HPS1: variants seen among roughly 807,000 people sequenced by gnomAD.
The protein encoded by HPS1 is HPS1 biogenesis of lysosomal organelles complex 3 subunit 1.
HPS1 carries 59 observed loss-of-function variants against 90.6 expected under a neutral mutation model. That is an observed-to-expected ratio of 0.65 (90% CI 0.53 to 0.81). The LOEUF (loss-of-function observed/expected upper bound fraction) is 0.81, where lower values mean the gene tolerates loss of function less well. HPS1 is among the 30% of genes least tolerant of loss of function. The pLI, the probability that HPS1 is intolerant of heterozygous loss-of-function variation, is 0.00. For synonymous variants in HPS1, 388 were observed against 384.4 expected (o/e 1.01, Z -0.11); for missense variants, 849 against 896.7 (o/e 0.95, Z 0.68).
intron 13 of HPS1, among the ~76,000 whole-genome samples, chr10:98,424,694 G>A (rs1845363051): frequency 6.6e-6 from 1 of 152,176 alleles, no homozygotes; most frequent in Admixed American, 6.5e-5. Context: ...GGCAGCGGCT[G>A]GGGTGTGCGG....
intron 3 of HPS1, among the ~76,000 whole-genome samples, chr10:98,441,469 A>G (rs1165200738): frequency 6.6e-6 from 1 of 152,238 alleles, no homozygotes; most frequent in Non-Finnish European, 1.5e-5. Context: ...TTGGGCAAAG[A>G]TTTCTTAGAT....
In HPS1 at chr10:98,435,814, G is replaced by T; in HGVS notation, c.118-42C>A. On this transcript the variant is annotated intron_variant, in intron 3 of 19. Transcript: ENST00000361490. This position sits in a 1 kb window ranked among gnomAD's most constrained non-coding sequence, Gnocchi z 4.3. ...AAATTTCACAGCTTAGAGTGGGCCA[G>T]ACACCAAGAACTAAGGAAGGGACAA... 6.2e-7 allele frequency: 1 copy of T among 1,613,754 alleles called. No homozygotes were observed. Among genetic ancestry groups the T allele is most frequent in the South Asian group, 1.1e-5 (1 of 91,032 alleles).
chr10:98,425,143 T>A lies in HPS1; in HGVS notation c.1335+398A>T, dbSNP rs950736612. On this transcript the variant is annotated intron_variant, in intron 13 of 19. Transcript: ENST00000361490. ...TGACCTGCACATCCCTGTGTTGCCC[T>A]GTGAGCCCGGGGACACAGCCCCGCT... Among the ~76,000 whole-genome samples, 4 of 152,256 alleles carry A rather than the reference T, an allele frequency of 2.6e-5. No homozygotes were observed. The South Asian group carries it at 6.2e-4, about 24-fold the overall frequency.
At position 98,429,571 on chromosome 10, in the gene HPS1, A is replaced by G; in HGVS notation, c.937+2T>C. ...TTCCTCCTGCTTTCCTCCGGTCCTC[A>G]CCTGAGCTCTGATCGCCAGGGGAAG... On this transcript the variant is annotated splice_donor_variant, in intron 10 of 19. Transcript: ENST00000361490. LOFTEE classifies it high-confidence loss of function. 6.2e-7 allele frequency: 1 copy of G among 1,614,130 alleles called. No individual in the cohort carries two copies. The highest frequency in any genetic ancestry group is 8.5e-7 in the Non-Finnish European group (1 of 1,180,010).
At chr10:98,415,201 GGCACGGGGTGGA>G (rs549993308), downstream of HPS1, 2 of 1,566,564 alleles carry the variant, frequency 1.3e-6, no homozygotes, top group Non-Finnish European at 1.7e-6. Flanking sequence ...TGCTGCCCTA[GGCACGGGGTGGA>G]GCAGGGAGGA....
chr10:98,441,298 A>G (rs189241476), intron 3 of HPS1, among the ~76,000 whole-genome samples: 1 of 152,376 alleles, frequency 6.6e-6, no homozygotes, highest in East Asian at 1.9e-4. Flanking sequence ...TCTGAGTTGT[A>G]ATGTTAAACT....
intron 11 of HPS1, among the ~76,000 whole-genome samples, chr10:98,426,566 A>G (rs1040540012): frequency 1.3e-5 from 2 of 152,238 alleles, no homozygotes; most frequent in African/African-American, 4.8e-5. Flanking sequence ...CACTGGACAC[A>G]TGACGCGATT....
In HPS1 at chr10:98,430,624, G is replaced by A. The variant is rs1306430934; in HGVS notation, c.715C>T (p.Leu239Phe). ...LRPADLLALI[L>F]LVQDLYPSES... ...CTGGGGTAGAGGTCCTGAACCAGGAGGATGAGGGCAAGCAGGTCGGCCGGG... is the reference window on the plus strand; with the variant it reads ...CTGGGGTAGAGGTCCTGAACCAGGAAGATGAGGGCAAGCAGGTCGGCCGGG... Residue 239 changes from leucine (L) to phenylalanine (F), a missense_variant, in exon 8 of 20, where the codon CTC (leucine) becomes TTC (phenylalanine). Coordinates refer to ENST00000361490, the MANE Select transcript of HPS1 (RefSeq NM_000195.5). The A allele has an allele frequency of 3.9e-6, 6 of 1,556,520 alleles. No individual in the cohort carries two copies. The highest frequency in any genetic ancestry group is 4.4e-6 in the Non-Finnish European group (5 of 1,149,324).
intron 3 of HPS1, among the ~76,000 whole-genome samples, chr10:98,439,149 AG>A (rs1937940573): frequency 6.6e-6 from 1 of 152,224 alleles, no homozygotes; most frequent in Admixed American, 6.5e-5. Flanking sequence ...ACAGGGGCAG[AG>A]CCCTCATGGA....
chr10:98,442,962 A>T, intron 3 of HPS1, 162 bp downstream of exon 3: 1 of 718,286 alleles, frequency 1.4e-6, no homozygotes, highest in Non-Finnish European at 2.6e-6. Context: ...GCCAACCTTG[A>T]GGATAAGGGT....
intron 17 of HPS1, among the ~76,000 whole-genome samples, chr10:98,421,979 GACACACACACAC>G (rs200573934): frequency 2.9e-5 from 4 of 139,936 alleles, no homozygotes; most frequent in Admixed American, 1.4e-4. Context: ...CACACACACA[GACACACACACAC>G]ACACACACAC....
chr10:98,414,800 A>C, downstream of HPS1: 1 of 644,956 alleles, frequency 1.6e-6, no homozygotes, highest in South Asian at 2.6e-5. Flanking sequence ...CCCAGGCCAC[A>C]CAGCAGAGCC....
At chr10:98,440,494 A>G (rs1938222839) in intron 3 of HPS1, among the ~76,000 whole-genome samples, 1 of 152,144 alleles carries the variant, frequency 6.6e-6, no homozygotes, top group African/African-American at 2.4e-5. Flanking sequence ...AAAAAAATAG[A>G]AGAAATATCT....
In HPS1 at chr10:98,434,017, C is replaced by A. The variant is rs140480324; in HGVS notation, c.473G>T (p.Arg158Leu). 6.4e-7 allele frequency: 1 copy of A among 1,558,544 alleles called. No homozygotes were observed. The highest frequency in any genetic ancestry group is 8.7e-7 in the Non-Finnish European group (1 of 1,151,026). ...HFQSLLWTYS[R>L]LREQEQCFAV... ...GAAGCACTGCTCCTGCTCCCGCAGG[C>A]GGCTGTAGGTCCACAGCAGGCTCTG... Residue 158 changes from arginine (R) to leucine (L), a missense_variant, in exon 6 of 20, where the codon CGC becomes CTC. Transcript: ENST00000361490.
rs770577720 is a variant in HPS1, at chr10:98,427,194, G to T, written c.987+21C>A. 42 of 1,547,504 alleles carry T rather than the reference G, an allele frequency of 2.7e-5. 1 individual carries two copies. The South Asian group carries it at 4.6e-4, about 17-fold the overall frequency. ...GCATCTCAGATCAGCTGGCGCCCAG[G>T]CAGGCACAGGAGAAACTCACCTGAA... On this transcript the variant is annotated intron_variant, in intron 11 of 19. Coordinates refer to ENST00000361490, the MANE Select transcript of HPS1 (RefSeq NM_000195.5).
In HPS1 at chr10:98,425,986, C is replaced by A. The variant is rs764927038; in HGVS notation, c.988-1G>T. The stretch of plus-strand genomic sequence containing the variant: ...GTGTTTGGAGGGTGTCCTCTGCTAT[C>A]TACAGAGGAAGAAGAGCTGCAGTGA... On this transcript the variant is annotated splice_acceptor_variant, in intron 11 of 19. Coordinates refer to ENST00000361490, the MANE Select transcript of HPS1 (RefSeq NM_000195.5). LOFTEE classifies it high-confidence loss of function. 3 of 1,613,548 alleles carry A rather than the reference C, an allele frequency of 1.9e-6. No individual in the cohort carries two copies. The South Asian group carries it at 3.3e-5, about 18-fold the overall frequency.
chr10:98,437,201 GT>G (rs1312667632), intron 3 of HPS1, among the ~76,000 whole-genome samples: 1 of 152,036 alleles, frequency 6.6e-6, no homozygotes, highest in Non-Finnish European at 1.5e-5. Flanking sequence ...ATGTTGCTAC[GT>G]TTACTGCTTT....
chr10:98,423,525 G>T, intron 16 of HPS1, 78 bp downstream of exon 16: 1 of 1,327,624 alleles, frequency 7.5e-7, no homozygotes, highest in Non-Finnish European at 1.1e-6. Flanking sequence ...GGGGCCCATA[G>T]TCCCTCCAGG....
chr10:98,418,315 G>C, intron 18 of HPS1, 58 bp from the exon 19 acceptor site: 2 of 969,080 alleles, frequency 2.1e-6, no homozygotes, highest in Non-Finnish European at 3.2e-6. Flanking sequence ...GCCTGAGTCA[G>C]ACGCACCGGG....
Sources: gnomAD v4.1 joint callset for allele counts (sites outside exome capture counted in the v4.1 genomes callset) on GRCh38, gnomAD v4.1.1 for gene constraint, Gnocchi (gnomAD v3.1) non-coding constraint, MANE v1.5 for transcripts, NCBI Gene and HGNC (gene_info 2026-07-23, HGNC 2026-07-21) for gene names.